The following CNTN5 variants were observed in gnomAD, a reference collection of about 807,000 sequenced individuals.
CNTN5 encodes contactin 5, also known as contactin-5.
In CNTN5, 77 loss-of-function variants were observed where a neutral mutation model predicts 129.1. That is an observed-to-expected ratio of 0.60 (90% CI 0.50 to 0.72). CNTN5 has a LOEUF of 0.72. Among genes scored for constraint, CNTN5 ranks in the 30% least tolerant of loss-of-function variants. The pLI, the probability that CNTN5 is intolerant of heterozygous loss-of-function variation, is 0.00. For synonymous variants in CNTN5, 509 were observed against 465.6 expected, an observed-to-expected ratio of 1.09 and a Z score of -1.20; for missense variants, 1,478 against 1,328.8, an observed-to-expected ratio of 1.11 and a Z score of -1.75.
chr11:99,913,690 T>C lies in CNTN5; in HGVS notation c.578-2364T>C, dbSNP rs193145019. Reference sequence around the variant, plus strand: ...AATTTTCTTTTCTTTGTGTGTTTAATTTCTAGGGCATGCCTGTACTTCAAT... The same window carrying C: ...AATTTTCTTTTCTTTGTGTGTTTAACTTCTAGGGCATGCCTGTACTTCAAT... On this transcript the variant is annotated intron_variant, in intron 6 of 24. Transcript: ENST00000524871. 5.3e-5 allele frequency among the ~76,000 whole-genome samples: 8 copies of C among 152,186 alleles called. No homozygotes were observed. The East Asian group carries it at 1.5e-3, about 29-fold the overall frequency.
chr11:100,265,437 C>G (rs961070040), intron 17 of CNTN5, among the ~76,000 whole-genome samples: 28 of 152,084 alleles, frequency 1.8e-4, no homozygotes, highest in African/African-American at 6.8e-4. Flanking sequence ...GGAAATAAGT[C>G]TCTCTGGAGC....
chr11:99,506,454 T>C, intron 2 of CNTN5, among the ~76,000 whole-genome samples: 1 of 152,216 alleles, frequency 6.6e-6, no homozygotes, highest in East Asian at 1.9e-4. Context: ...CTGTCTTGTG[T>C]CCACCTTTCC....
chr11:99,759,445 A>C (rs2082964240), intron 3 of CNTN5, among the ~76,000 whole-genome samples: 1 of 152,018 alleles, frequency 6.6e-6, no homozygotes, highest in South Asian at 2.1e-4. Context: ...GGGGCAATGA[A>C]ATTATGAAGG....
intron 3 of CNTN5, among the ~76,000 whole-genome samples, chr11:99,693,250 T>C (rs753253186): frequency 3.7e-4 from 57 of 152,162 alleles, no homozygotes; most frequent in Non-Finnish European, 5.1e-4. Context: ...GGCTCATTTT[T>C]GGCATCAGAG....
intron 1 of CNTN5, among the ~76,000 whole-genome samples, chr11:99,226,289 C>G (rs1253726656): frequency 6.6e-6 from 1 of 152,184 alleles, no homozygotes; most frequent in Non-Finnish European, 1.5e-5. Context: ...TCTTTAGGAT[C>G]CCCCTTCACA....
chr11:100,090,492 TTCCTCCTTTCCTCCCTCCCTCCC>T (rs1944720722), intron 13 of CNTN5, among the ~76,000 whole-genome samples: 2 of 74,650 alleles, frequency 2.7e-5, no homozygotes, highest in Non-Finnish European at 2.7e-5. Context: ...CCTCCCTCCT[TTCCTCCTTTCCTCCCTCCCTCCC>T]TCCCTCCCTC....
intron 24 of CNTN5, among the ~76,000 whole-genome samples, chr11:100,351,844 A>G (rs1313115699): frequency 1.3e-5 from 2 of 151,450 alleles, no homozygotes; most frequent in African/African-American, 2.4e-5. Flanking sequence ...CATGCTCTGT[A>G]TGTGGCCCTA....
At chr11:99,068,566 T>A (rs1865202100) in intron 1 of CNTN5, among the ~76,000 whole-genome samples, 1 of 152,088 alleles carries the variant, frequency 6.6e-6, no homozygotes, top group Non-Finnish European at 1.5e-5. Flanking sequence ...GCAGGCTGGG[T>A]TAGGCTGGAG....
intron 2 of CNTN5, among the ~76,000 whole-genome samples, chr11:99,347,533 T>A (rs184548958): frequency 1.7e-3 from 256 of 152,318 alleles, no homozygotes; most frequent in African/African-American, 5.6e-3. Flanking sequence ...AAAGCACATA[T>A]CATATCACTT....
At chr11:99,878,014 C>T (rs1314305570) in intron 6 of CNTN5, among the ~76,000 whole-genome samples, 4 of 152,154 alleles carry the variant, frequency 2.6e-5, no homozygotes, top group Non-Finnish European at 5.9e-5. Flanking sequence ...TTAATTATTA[C>T]TTATTAAGAC....
intron 2 of CNTN5, among the ~76,000 whole-genome samples, chr11:99,484,175 CA>C (rs1011554874): frequency 6.6e-6 from 1 of 150,742 alleles, no homozygotes; most frequent in African/African-American, 2.4e-5. Flanking sequence ...AGCTCAAAAG[CA>C]AAAAATAAAA....
At chr11:99,629,888 AT>A (rs1951276131) in intron 3 of CNTN5, among the ~76,000 whole-genome samples, 1 of 151,790 alleles carries the variant, frequency 6.6e-6, no homozygotes, top group African/African-American at 2.4e-5. Flanking sequence ...TTGATATAAA[AT>A]ATTTGATAAA....
chr11:99,718,164 CCTCA>C (rs1943044380), intron 3 of CNTN5, among the ~76,000 whole-genome samples: 1 of 151,314 alleles, frequency 6.6e-6, no homozygotes, highest in African/African-American at 2.4e-5. Context: ...TTTTTAATAA[CCTCA>C]CTCTTTATGA....
intron 21 of CNTN5, among the ~76,000 whole-genome samples, chr11:100,313,059 A>G (rs1463722234): frequency 1.3e-5 from 2 of 152,110 alleles, no homozygotes; most frequent in Admixed American, 6.6e-5. Flanking sequence ...AGGGTTGGGT[A>G]GAGACAAGAT....
intron 13 of CNTN5, among the ~76,000 whole-genome samples, chr11:100,078,029 T>C (rs1480029712): frequency 6.6e-6 from 1 of 152,148 alleles, no homozygotes; most frequent in Admixed American, 6.6e-5. Flanking sequence ...TTAGCATTAC[T>C]TAAATTTAAC....
At chr11:99,745,147 T>C (rs76365470) in intron 3 of CNTN5, among the ~76,000 whole-genome samples, 2,399 of 152,248 alleles carry the variant, frequency 0.016, 56 homozygotes, top group African/African-American at 0.055. Flanking sequence ...TGGAAACGAT[T>C]CCCTGATGGG....
chr11:100,343,342 G>A (rs1453850751), intron 23 of CNTN5, among the ~76,000 whole-genome samples: 1 of 152,130 alleles, frequency 6.6e-6, no homozygotes, highest in Non-Finnish European at 1.5e-5. Context: ...CGTATAAAAG[G>A]AGTCTGCTGA....
intron 9 of CNTN5, among the ~76,000 whole-genome samples, chr11:100,059,207 T>C (rs1222257534): frequency 1.3e-5 from 2 of 152,170 alleles, no homozygotes; most frequent in African/African-American, 4.8e-5. Flanking sequence ...ATCACTTACA[T>C]TCCCTATGTC....
chr11:100,088,561 A>C (rs1008009033), intron 13 of CNTN5, among the ~76,000 whole-genome samples: 1 of 152,080 alleles, frequency 6.6e-6, no homozygotes, highest in Admixed American at 6.6e-5. Flanking sequence ...TCACATTACA[A>C]CCAATCCCAC....
Sources: allele counts gnomAD v4.1 joint callset (sites outside exome capture counted in the v4.1 genomes callset), GRCh38; gene constraint gnomAD v4.1.1; transcripts MANE v1.5; gene names NCBI Gene and HGNC (gene_info 2026-07-23, HGNC 2026-07-21).